Variants in MMP16 observed in about 807,000 individuals in gnomAD.
The protein encoded by MMP16 is matrix metallopeptidase 16.
A neutral mutation model predicts 67.8 loss-of-function variants in MMP16; 12 were observed. The ratio of observed to expected loss-of-function variants is 0.18; its 90% CI spans 0.11 to 0.29. The LOEUF (loss-of-function observed/expected upper bound fraction) is 0.29. Among genes scored for constraint, MMP16 ranks in the 10% least tolerant of loss-of-function variants. The pLI is 1.00. For missense variants in MMP16, 475 were observed against 765.7 expected (o/e 0.62, Z 4.48); for synonymous variants, 249 against 255.9 (o/e 0.97, Z 0.26).
chr8:88,281,969 T>C (rs1296290048), intron 1 of MMP16, among the ~76,000 whole-genome samples: 1 of 152,044 alleles, frequency 6.6e-6, no homozygotes, highest in East Asian at 1.9e-4. Flanking sequence ...GTTCAAATAC[T>C]TCCTTCCTGT....
At chr8:88,297,402 T>C (rs1586006761) in intron 1 of MMP16, among the ~76,000 whole-genome samples, 1 of 152,296 alleles carries the variant, frequency 6.6e-6, no homozygotes, top group Non-Finnish European at 1.5e-5. Context: ...CTGCCCTTTG[T>C]AGGTACCTGA....
At chr8:88,288,919 G>A (rs931332937) in intron 1 of MMP16, among the ~76,000 whole-genome samples, 3 of 152,144 alleles carry the variant, frequency 2.0e-5, no homozygotes, top group Non-Finnish European at 4.4e-5. Context: ...GAACAAAAAA[G>A]CAGCAAGACA....
At chr8:88,232,419 A>T (rs1381002708) in intron 1 of MMP16, among the ~76,000 whole-genome samples, 1 of 152,134 alleles carries the variant, frequency 6.6e-6, no homozygotes, top group African/African-American at 2.4e-5. Context: ...TACACTTACT[A>T]CATACTAAAT....
chr8:88,167,210 C>T (rs1280584550), intron 4 of MMP16, among the ~76,000 whole-genome samples: 2 of 151,852 alleles, frequency 1.3e-5, no homozygotes, highest in African/African-American at 4.8e-5. Flanking sequence ...AAAACTTCAT[C>T]TCAAAACAAA....
intron 6 of MMP16, among the ~76,000 whole-genome samples, chr8:88,097,338 G>A (rs1309261324): frequency 6.6e-6 from 1 of 151,754 alleles, no homozygotes; most frequent in Non-Finnish European, 1.5e-5. Context: ...TAAGAATGGA[G>A]GCTAGGTGCA....
intron 1 of MMP16, among the ~76,000 whole-genome samples, chr8:88,251,252 G>C (rs1438821670): frequency 6.6e-6 from 1 of 151,818 alleles, no homozygotes; most frequent in Non-Finnish European, 1.5e-5. Flanking sequence ...ATACTACAAG[G>C]CTACAGGAAC....
intron 4 of MMP16, among the ~76,000 whole-genome samples, chr8:88,122,997 A>G (rs1291614188): frequency 1.3e-5 from 2 of 151,424 alleles, no homozygotes; most frequent in African/African-American, 2.4e-5. Flanking sequence ...CCCGGCCAAC[A>G]TGGATATCCA....
At chr8:88,051,697 C>T (rs1211204811) in intron 8 of MMP16, among the ~76,000 whole-genome samples, 1 of 151,906 alleles carries the variant, frequency 6.6e-6, no homozygotes, top group East Asian at 1.9e-4. Flanking sequence ...TTCTATTTGA[C>T]TGTTAGTGAC....
chr8:88,197,292 C>T lies in MMP16; in HGVS notation c.147G>A (p.Lys49=). 3.2e-6 allele frequency: 5 copies of T among 1,561,106 alleles called. No homozygotes were observed. In the South Asian group the frequency reaches 4.8e-5, roughly 15 times the overall value. The change falls in exon 2 of 10, where the codon AAG becomes AAA. Residue 49 remains lysine, a synonymous_variant. Coordinates refer to ENST00000286614, the MANE Select transcript of MMP16 (RefSeq NM_005941.5). ...QYFNVEVWLQ[K]YGYLPPTDPR... ...GGTCAGTCGGTGGAAGGTAGCCGTA[C>T]TTTTGTAACCAAACCTGCAATAACA...
intron 1 of MMP16, among the ~76,000 whole-genome samples, chr8:88,291,646 T>A (rs956571024): frequency 3.3e-5 from 5 of 152,168 alleles, no homozygotes; most frequent in Admixed American, 1.3e-4. Context: ...TAGAAAAATA[T>A]AATTGAGGTG....
intron 3 of MMP16, among the ~76,000 whole-genome samples, chr8:88,185,954 T>TATTA (rs1215906535): frequency 6.6e-6 from 1 of 152,194 alleles, no homozygotes; most frequent in Non-Finnish European, 1.5e-5. Flanking sequence ...AAGCAGTTGT[T>TATTA]CAATTACAAA....
chr8:88,062,298 C>A (rs1050260606), intron 7 of MMP16, among the ~76,000 whole-genome samples: 1 of 152,012 alleles, frequency 6.6e-6, no homozygotes, highest in African/African-American at 2.4e-5. Flanking sequence ...CCAGCCATCC[C>A]ATTATTGGGC....
intron 1 of MMP16, among the ~76,000 whole-genome samples, chr8:88,258,019 A>G (rs1304157648): frequency 6.6e-6 from 1 of 151,698 alleles, no homozygotes; most frequent in Non-Finnish European, 1.5e-5. Flanking sequence ...GAAGCTAGAA[A>G]AGTCAAAATG....
At position 88,041,416 on chromosome 8, in the gene MMP16, T is replaced by C; in HGVS notation, c.*45A>G. On this transcript the variant is annotated 3_prime_UTR_variant, in exon 10 of 10. Coordinates refer to ENST00000286614, the MANE Select transcript of MMP16 (RefSeq NM_005941.5). The surrounding 1 kb of genome is among the most constrained non-coding windows in gnomAD (Gnocchi z 6.0). The stretch of plus-strand genomic sequence containing the variant: ...ACAGCTCTTGTCTTGAATCTCAAGT[T>C]ACCACAAACTCCTGCAAAAGAAAGA... 6.4e-7 allele frequency: 1 copy of C among 1,559,868 alleles called. No individual in the cohort carries two copies. Among genetic ancestry groups the C allele is most frequent in the Non-Finnish European group, 8.7e-7 (1 of 1,146,218 alleles).
intron 6 of MMP16, among the ~76,000 whole-genome samples, chr8:88,090,069 A>T (rs1808908184): frequency 6.6e-6 from 1 of 151,966 alleles, no homozygotes; most frequent in South Asian, 2.1e-4. Flanking sequence ...AGAGGAAACA[A>T]GCTTATTTAG....
At chr8:88,156,968 T>C (rs890731055) in intron 4 of MMP16, among the ~76,000 whole-genome samples, 5 of 152,144 alleles carry the variant, frequency 3.3e-5, no homozygotes, top group Non-Finnish European at 5.9e-5. Flanking sequence ...CAAGTAGTAC[T>C]GATTTACTTC....
chr8:88,041,138 G>T lies in MMP16; in HGVS notation c.*323C>A. The T allele has an allele frequency of 4.6e-6, 1 of 218,916 alleles. No individual in the cohort carries two copies. The allele number at this position is 218,916 out of a possible 1,614,324, so 13.6% of individuals were successfully genotyped here. A position where few individuals can be genotyped will look rare whatever the true frequency, so the allele number is the denominator to read the frequency against. ...AAATAACATTAGAAACTTTTAAGAA[G>T]AATCTTTTCTTCTTTTTCTCCTCTT... On this transcript the variant is annotated 3_prime_UTR_variant, in exon 10 of 10. Transcript: ENST00000286614. The surrounding 1 kb of genome is among the most constrained non-coding windows in gnomAD (Gnocchi z 6.0).
At chr8:88,241,274 G>A (rs1444830004) in intron 1 of MMP16, among the ~76,000 whole-genome samples, 1 of 152,140 alleles carries the variant, frequency 6.6e-6, no homozygotes. Context: ...AATTTCGGAA[G>A]TCTCTAGAAG....
chr8:88,075,636 G>A (rs1405129885), intron 6 of MMP16, among the ~76,000 whole-genome samples: 1 of 152,038 alleles, frequency 6.6e-6, no homozygotes, highest in African/African-American at 2.4e-5. Context: ...GCTACTCAGT[G>A]TTTTAACATT....
Sources: gnomAD v4.1 joint callset for allele counts (sites outside exome capture counted in the v4.1 genomes callset) on GRCh38, gnomAD v4.1.1 for gene constraint, Gnocchi (gnomAD v3.1) non-coding constraint, MANE v1.5 for transcripts, NCBI Gene and HGNC (gene_info 2026-07-23, HGNC 2026-07-21) for gene names.